Variants in ADGRG6 observed in about 807,000 individuals in gnomAD.
ADGRG6 encodes adhesion G protein-coupled receptor G6.
Under a neutral mutation model 142.4 loss-of-function variants are expected in ADGRG6, and 84 were observed. The observed-to-expected ratio is 0.59, with a 90% CI of 0.49 to 0.71. ADGRG6 has a LOEUF of 0.71. ADGRG6 is among the 30% of genes least tolerant of loss of function. The pLI is 0.00. For synonymous variants in ADGRG6, 521 were observed against 520.5 expected, an observed-to-expected ratio of 1.00 and a Z score of -0.01; for missense variants, 1,367 against 1,466.6, an observed-to-expected ratio of 0.93 and a Z score of 1.11.
intron 2 of ADGRG6, among the ~76,000 whole-genome samples, chr6:142,354,039 T>G (rs1328661245): frequency 6.6e-6 from 1 of 152,332 alleles, no homozygotes; most frequent in African/African-American, 2.4e-5. Context: ...TAGGAGCAAC[T>G]TAGAAACCAG....
At chr6:142,355,597 C>G (rs993432347) in intron 2 of ADGRG6, among the ~76,000 whole-genome samples, 3 of 152,060 alleles carry the variant, frequency 2.0e-5, no homozygotes, top group African/African-American at 7.2e-5. Context: ...TGCTCTCCAG[C>G]GACAGGGAGT....
chr6:142,402,667 G>A lies in ADGRG6; in HGVS notation c.1792G>A (p.Gly598Arg). 6.2e-7 allele frequency: 1 copy of A among 1,608,522 alleles called. No homozygotes were observed. The highest frequency in any genetic ancestry group is 1.1e-5 in the South Asian group (1 of 90,650). Reference sequence around the variant, plus strand: ...CCAGATTTTAAATTTAACTGCTGATGGGCAGAACTTAACCTCAGCCAATAT... The same window carrying A: ...CCAGATTTTAAATTTAACTGCTGATAGGCAGAACTTAACCTCAGCCAATAT... ...ANQILNLTAD[G>R]QNLTSANITN... is the part of the protein sequence containing the mutation. Residue 598 changes from glycine to arginine, a missense_variant, in exon 13 of 25, where the codon GGG becomes AGG. By Grantham distance (125) the Gly-to-Arg change is moderately radical (BLOSUM62 -2). Coordinates refer to ENST00000367609, the MANE Select transcript of ADGRG6 (RefSeq NM_198569.3).
chr6:142,373,005 C>T (rs1333622098), intron 4 of ADGRG6, among the ~76,000 whole-genome samples: 1 of 152,156 alleles, frequency 6.6e-6, no homozygotes, highest in Non-Finnish European at 1.5e-5. Context: ...TACTAAATGT[C>T]ATTTTAAGCA....
In ADGRG6 at chr6:142,416,008, A is replaced by G. The variant is rs761427700; in HGVS notation, c.2882A>G (p.Lys961Arg). ...EAIHMYIALV[K>R]VFNTYIRRYI... ...ATTCACATGTACATTGCTCTAGTTAAAGTATTTAACACTTACATTCGCCGA... is the reference window on the plus strand; with the variant it reads ...ATTCACATGTACATTGCTCTAGTTAGAGTATTTAACACTTACATTCGCCGA... Residue 961 changes from lysine (K) to arginine (R), a missense_variant, in exon 20 of 25, where the codon AAA becomes AGA. Lys to Arg is a conservative substitution (Grantham distance 26). This residue lies in a region of ADGRG6 where 344 missense variants were observed against 348.7 expected (regional missense o/e 0.99). Coordinates refer to ENST00000367609, the MANE Select transcript of ADGRG6 (RefSeq NM_198569.3). The G allele has an allele frequency of 2.5e-6, 4 of 1,612,296 alleles. No individual in the cohort carries two copies. In the East Asian group the frequency reaches 6.7e-5, roughly 27 times the overall value.
chr6:142,327,474 G>A (rs1022422207), intron 2 of ADGRG6, among the ~76,000 whole-genome samples: 8 of 152,146 alleles, frequency 5.3e-5, no homozygotes, highest in African/African-American at 1.9e-4. Flanking sequence ...CTCTGAGGCT[G>A]AACATCGTTA....
intron 18 of ADGRG6, among the ~76,000 whole-genome samples, chr6:142,413,535 A>G (rs1776202896): frequency 6.6e-6 from 1 of 152,150 alleles, no homozygotes; most frequent in Non-Finnish European, 1.5e-5. Context: ...TTTAATTTCT[A>G]TTTGAAATTC....
chr6:142,420,546 T>G (rs760873201), intron 22 of ADGRG6, among the ~76,000 whole-genome samples: 1 of 152,186 alleles, frequency 6.6e-6, no homozygotes, highest in Non-Finnish European at 1.5e-5. Context: ...TTAGAGTCTA[T>G]GTAAGAACAG....
chr6:142,347,126 C>A (rs763873450), intron 2 of ADGRG6, among the ~76,000 whole-genome samples: 35 of 151,958 alleles, frequency 2.3e-4, no homozygotes, highest in Non-Finnish European at 3.4e-4. Context: ...TATATGAATT[C>A]TTAGGGCTAG....
In ADGRG6 at chr6:142,401,994, T is replaced by A; in HGVS notation, c.1680T>A (p.Cys560Ter). The change falls in exon 12 of 25, where the codon TGT becomes TGA. Residue 560 changes from cysteine to a stop codon, truncating the protein, a stop_gained and splice_region_variant. Coordinates refer to ENST00000367609, the MANE Select transcript of ADGRG6 (RefSeq NM_198569.3). LOFTEE classifies it high-confidence loss of function. The stretch of plus-strand genomic sequence containing the variant: ...TTAAAATATCTATTTTGTTTCATAG[T>A]TTTTACAATGCTACCAACCCATTGG... The part of the protein sequence containing the change: ...DKPGFSASRI[C>*]FYNATNPLVT... The A allele has an allele frequency of 6.9e-7, 1 of 1,453,936 alleles. No individual in the cohort carries two copies. The highest frequency in any genetic ancestry group is 9.5e-7 in the Non-Finnish European group (1 of 1,048,556). 90.1% of individuals were successfully genotyped at this position (1,453,936 alleles called of 1,614,324 possible).
intron 6 of ADGRG6, among the ~76,000 whole-genome samples, chr6:142,384,137 A>G (rs916448859): frequency 6.6e-6 from 1 of 152,166 alleles, no homozygotes; most frequent in Non-Finnish European, 1.5e-5. Flanking sequence ...ATTAATGTGC[A>G]TCATAATAGA....
chr6:142,378,246 G>A (rs1329391378), intron 4 of ADGRG6, among the ~76,000 whole-genome samples: 1 of 152,132 alleles, frequency 6.6e-6, no homozygotes, highest in African/African-American at 2.4e-5. Context: ...CCTAAAAACT[G>A]CTTTCCCACA....
chr6:142,403,531 A>C (rs1562369711), intron 13 of ADGRG6, among the ~76,000 whole-genome samples: 1 of 152,176 alleles, frequency 6.6e-6, no homozygotes, highest in Non-Finnish European at 1.5e-5. Context: ...GAGAGGCTAA[A>C]ATAAATGAAA....
intron 10 of ADGRG6, among the ~76,000 whole-genome samples, chr6:142,398,397 C>A (rs1196401774): frequency 6.6e-6 from 1 of 152,192 alleles, no homozygotes; most frequent in South Asian, 2.1e-4. Flanking sequence ...TGCACTCCAG[C>A]CTGGGCAGCA....
intron 20 of ADGRG6, among the ~76,000 whole-genome samples, chr6:142,416,331 A>G (rs1043115576): frequency 6.6e-6 from 1 of 152,158 alleles, no homozygotes; most frequent in Non-Finnish European, 1.5e-5. Context: ...CTGAGCCCAG[A>G]GCCAGCCCAC....
chr6:142,438,044 A>G (rs1397239480), intron 23 of ADGRG6, 168 bp from the exon 24 acceptor site: 5 of 487,786 alleles, frequency 1.0e-5, no homozygotes, highest in Non-Finnish European at 1.8e-5. Context: ...TCAAAGTAAG[A>G]AATTATCAAT....
chr6:142,314,159 C>T (rs1409387163), intron 2 of ADGRG6, among the ~76,000 whole-genome samples: 1 of 152,102 alleles, frequency 6.6e-6, no homozygotes, highest in Non-Finnish European at 1.5e-5. Context: ...AGATAATTTT[C>T]TTCATACACC....
intron 2 of ADGRG6, among the ~76,000 whole-genome samples, chr6:142,352,049 G>A (rs757025066): frequency 2.6e-5 from 4 of 152,188 alleles, no homozygotes; most frequent in Non-Finnish European, 5.9e-5. Context: ...GTGGAAAACA[G>A]TGTGGAGATT....
chr6:142,418,921 G>A (rs1776514112), intron 21 of ADGRG6, among the ~76,000 whole-genome samples: 1 of 152,060 alleles, frequency 6.6e-6, no homozygotes, highest in Non-Finnish European at 1.5e-5. Flanking sequence ...TTTGCATATA[G>A]TACAGTTTTA....
At chr6:142,404,485 C>CA (rs1319753356) in intron 14 of ADGRG6, among the ~76,000 whole-genome samples, 3 of 151,402 alleles carry the variant, frequency 2.0e-5, no homozygotes, top group Non-Finnish European at 4.4e-5. Flanking sequence ...ACTAAAAATA[C>CA]AAAAAAAAGT....
Sources: gnomAD v4.1 joint callset for allele counts (sites outside exome capture counted in the v4.1 genomes callset) on GRCh38, gnomAD v4.1.1 for gene constraint, gnomAD v4.1.1 regional missense constraint, MANE v1.5 for transcripts, NCBI Gene and HGNC (gene_info 2026-07-23, HGNC 2026-07-21) for gene names.